The following DISP1 variants were observed in gnomAD, a reference collection of about 807,000 sequenced individuals.
The protein encoded by DISP1 is protein dispatched homolog 1.
Under a neutral mutation model 37.3 loss-of-function variants are expected in DISP1, and 30 were observed. That is an observed-to-expected ratio of 0.80 (90% CI 0.60 to 1.09). The LOEUF (loss-of-function observed/expected upper bound fraction) is 1.09, where lower values mean the gene tolerates loss of function less well. Ranked by LOEUF, DISP1 falls within the 50% of genes least tolerant of loss-of-function variation. The pLI is 0.00. For synonymous variants in DISP1, 634 were observed against 690.2 expected (o/e 0.92, Z 1.28); for missense variants, 1,598 against 1,879.5 (o/e 0.85, Z 2.77).
At chr1:222,889,245 C>G (rs1670811636) in intron 1 of DISP1, among the ~76,000 whole-genome samples, 1 of 152,082 alleles carries the variant, frequency 6.6e-6, no homozygotes, top group Admixed American at 6.5e-5. Flanking sequence ...CCCTCAAAAT[C>G]TAAGTAGGCT....
At chr1:222,853,177 GA>G (rs1326637884) in intron 1 of DISP1, among the ~76,000 whole-genome samples, 8 of 152,180 alleles carry the variant, frequency 5.3e-5, no homozygotes, top group African/African-American at 1.7e-4. Context: ...TGGCTGTTCA[GA>G]AAAGAACTAC....
intron 3 of DISP1, among the ~76,000 whole-genome samples, chr1:222,943,804 G>A (rs1674559188): frequency 6.6e-6 from 1 of 152,100 alleles, no homozygotes; most frequent in South Asian, 2.1e-4. Flanking sequence ...CGAGGCAGGC[G>A]GATCACTTGA....
intron 1 of DISP1, among the ~76,000 whole-genome samples, chr1:222,859,116 T>G (rs531807438): frequency 1.3e-5 from 2 of 152,106 alleles, no homozygotes; most frequent in South Asian, 4.2e-4. Flanking sequence ...ATAAAGAAAA[T>G]GTGATACATA....
Position 222,990,756 on chromosome 1 carries a change from A to G in DISP1, c.663+8A>G. 6.2e-7 allele frequency: 1 copy of G among 1,613,854 alleles called. No individual in the cohort carries two copies. Among genetic ancestry groups the G allele is most frequent in the Non-Finnish European group, 8.5e-7 (1 of 1,179,850 alleles). On this transcript the variant is annotated splice_region_variant and intron_variant, in intron 5 of 8. Coordinates refer to ENST00000675850, the MANE Select transcript of DISP1 (RefSeq NM_001377229.1). The stretch of plus-strand genomic sequence containing the variant: ...TTCTCTGATCCATTGCTGGTAACTA[A>G]CTTTTATGTTTTCTTTAGCCTAAAA...
intron 1 of DISP1, among the ~76,000 whole-genome samples, chr1:222,855,247 G>A (rs73128618): frequency 0.026 from 3,911 of 152,178 alleles, 183 homozygotes; most frequent in African/African-American, 0.088. Flanking sequence ...CATTCCCTCT[G>A]CCCCTCTCAC....
intron 1 of DISP1, among the ~76,000 whole-genome samples, chr1:222,821,181 G>A (rs1662793483): frequency 6.6e-6 from 1 of 152,162 alleles, no homozygotes; most frequent in Non-Finnish European, 1.5e-5. Context: ...TCAAACTGAA[G>A]TGATGTTCTT....
chr1:222,879,052 T>C (rs1184360083), intron 1 of DISP1, among the ~76,000 whole-genome samples: 1 of 152,172 alleles, frequency 6.6e-6, no homozygotes, highest in Admixed American at 6.5e-5. Context: ...TTGGAGCAGT[T>C]AGAGAGTCTG....
At position 223,005,841 on chromosome 1, in the gene DISP1, A is replaced by G. The variant is rs1337717746; in HGVS notation, c.4444A>G (p.Ser1482Gly). 9 of 1,614,124 alleles carry G rather than the reference A, an allele frequency of 5.6e-6. No individual in the cohort carries two copies. The Admixed American group carries it at 1.5e-4, about 27-fold the overall frequency. Residue 1482 changes from serine to glycine, a missense_variant, in exon 9 of 9, where the codon AGT becomes GGT. Transcript: ENST00000675850. Reference protein sequence around the residue: ...GCRSCPNNSQSCGRIVRVKCN... With the variant: ...GCRSCPNNSQGCGRIVRVKCN... ...TAGGTCTTGCCCAAATAATTCACAA[A>G]GTTGTGGCAGAATTGTGAGAGTGAA...
intron 1 of DISP1, among the ~76,000 whole-genome samples, chr1:222,927,746 G>A (rs2609402): frequency 0.26 from 38,780 of 151,972 alleles, 5,182 homozygotes; most frequent in South Asian, 0.48. Flanking sequence ...GCATTTGTTC[G>A]TAGTATTTAA....
intron 1 of DISP1, among the ~76,000 whole-genome samples, chr1:222,866,125 GGA>G: frequency 6.6e-6 from 1 of 152,044 alleles, no homozygotes; most frequent in Non-Finnish European, 1.5e-5. Context: ...AATGAATGTT[GGA>G]GAGAGGGTGA....
intron 1 of DISP1, among the ~76,000 whole-genome samples, chr1:222,848,692 A>G (rs905262410): frequency 6.6e-6 from 1 of 152,216 alleles, no homozygotes; most frequent in Non-Finnish European, 1.5e-5. Flanking sequence ...ATAGAATAGG[A>G]TATAATATCT....
intron 1 of DISP1, among the ~76,000 whole-genome samples, chr1:222,875,363 A>G (rs768264339): frequency 6.6e-6 from 1 of 152,110 alleles, no homozygotes; most frequent in Non-Finnish European, 1.5e-5. Context: ...CAGTTTTTAT[A>G]TACACTTGTG....
In DISP1 at chr1:223,005,282, C is replaced by A; in HGVS notation, c.3885C>A (p.Cys1295Ter). 1.2e-6 allele frequency: 2 copies of A among 1,613,850 alleles called. No individual in the cohort carries two copies. The highest frequency in any genetic ancestry group is 8.5e-7 in the Non-Finnish European group (1 of 1,180,042). The change falls in exon 9 of 9, where the codon TGC becomes TGA. Residue 1295 changes from cysteine to a stop codon, truncating the protein, a stop_gained. Coordinates refer to ENST00000675850, the MANE Select transcript of DISP1 (RefSeq NM_001377229.1). LOFTEE classifies it low-confidence loss of function (END_TRUNC). ...HSCQQMGDCL[C>*]HQCSPTTSSF... Reference sequence around the variant, plus strand: ...GCCAGCAGATGGGGGACTGCTTGTGCCACCAGTGCTCTCCTACCACTAGCA... The same window carrying A: ...GCCAGCAGATGGGGGACTGCTTGTGACACCAGTGCTCTCCTACCACTAGCA...
intron 1 of DISP1, among the ~76,000 whole-genome samples, chr1:222,869,247 G>T (rs1669379427): frequency 6.6e-6 from 1 of 152,038 alleles, no homozygotes. Flanking sequence ...ACTAATAAAA[G>T]AAAAATATTT....
At chr1:222,874,167 T>A (rs1332992106) in intron 1 of DISP1, among the ~76,000 whole-genome samples, 1 of 152,258 alleles carries the variant, frequency 6.6e-6, no homozygotes, top group African/African-American at 2.4e-5. Flanking sequence ...TGGGCTTCCC[T>A]TTGTGGGTAA....
intron 3 of DISP1, among the ~76,000 whole-genome samples, chr1:222,957,327 G>A (rs139329596): frequency 0.011 from 1,725 of 152,212 alleles, 29 homozygotes; most frequent in African/African-American, 0.037. Flanking sequence ...AGTGGCTCAC[G>A]CCTGTAATCC....
At chr1:222,973,874 C>T (rs1418074446) in intron 3 of DISP1, among the ~76,000 whole-genome samples, 2 of 152,202 alleles carry the variant, frequency 1.3e-5, no homozygotes, top group Non-Finnish European at 2.9e-5. Flanking sequence ...GGATTCTAGA[C>T]CTGGCTCTGC....
intron 1 of DISP1, among the ~76,000 whole-genome samples, chr1:222,869,030 T>C (rs1669365325): frequency 6.6e-6 from 1 of 152,150 alleles, no homozygotes; most frequent in South Asian, 2.1e-4. Flanking sequence ...AGTTAAGACT[T>C]AAACCTTCCT....
At chr1:222,924,334 A>C (rs1187672674) in intron 1 of DISP1, among the ~76,000 whole-genome samples, 1 of 152,134 alleles carries the variant, frequency 6.6e-6, no homozygotes, top group Non-Finnish European at 1.5e-5. Flanking sequence ...AATTCATAAA[A>C]ACTGAATTCA....
Sources: gnomAD v4.1 joint callset for allele counts (sites outside exome capture counted in the v4.1 genomes callset) on GRCh38, gnomAD v4.1.1 for gene constraint, MANE v1.5 for transcripts, NCBI Gene and HGNC (gene_info 2026-07-23, HGNC 2026-07-21) for gene names.